The following SVIL variants were observed in gnomAD, a reference collection of about 807,000 sequenced individuals.
SVIL encodes archvillin.
A neutral mutation model predicts 240.4 loss-of-function variants in SVIL; 101 were observed. That is an observed-to-expected ratio of 0.42 (90% CI 0.36 to 0.50). The LOEUF (loss-of-function observed/expected upper bound fraction) is 0.50, where lower values mean the gene tolerates loss of function less well. Among genes scored for constraint, SVIL ranks in the 20% least tolerant of loss-of-function variants. The pLI is 0.01. For synonymous variants in SVIL, 999 were observed against 1,100.0 expected, an observed-to-expected ratio of 0.91 and a Z score of 1.82; for missense variants, 2,512 against 2,818.7, an observed-to-expected ratio of 0.89 and a Z score of 2.46.
chr10:29,550,452 A>G, intron 6 of SVIL, 145 bp downstream of exon 6: 1 of 1,100,390 alleles, frequency 9.1e-7, no homozygotes, highest in Non-Finnish European at 1.3e-6. Context: ...CAGAAAAAAA[A>G]AAAAAAGAAT....
intron 22 of SVIL, 62 bp downstream of exon 22, chr10:29,490,785 A>G (rs1947883552): frequency 1.3e-6 from 2 of 1,594,758 alleles, no homozygotes. Flanking sequence ...CCAAGCAATG[A>G]GTAGAGCATC....
At chr10:29,626,661 T>C (rs566387016) in intron 1 of SVIL, among the ~76,000 whole-genome samples, 26 of 152,100 alleles carry the variant, frequency 1.7e-4, no homozygotes, top group African/African-American at 6.3e-4. Context: ...GAAAAGAAAA[T>C]AGACATACTT....
intron 3 of SVIL, among the ~76,000 whole-genome samples, chr10:29,559,515 G>A (rs1954258634): frequency 6.6e-6 from 1 of 152,164 alleles, no homozygotes; most frequent in African/African-American, 2.4e-5. Flanking sequence ...ATTATATGCT[G>A]TGTCATAATT....
intron 1 of SVIL, among the ~76,000 whole-genome samples, chr10:29,625,915 T>C (rs1957847550): frequency 6.6e-6 from 1 of 152,198 alleles, no homozygotes; most frequent in Admixed American, 6.5e-5. Context: ...TTTTGGGGTC[T>C]TTTTTCAGCT....
chr10:29,669,491 G>C (rs1004365566), intron 2 of SVIL, among the ~76,000 whole-genome samples: 8 of 152,214 alleles, frequency 5.3e-5, no homozygotes, highest in African/African-American at 1.9e-4. Context: ...AAAAACAAGA[G>C]AGTGACATGA....
At chr10:29,608,667 G>A (rs1957117840) in intron 1 of SVIL, among the ~76,000 whole-genome samples, 1 of 152,250 alleles carries the variant, frequency 6.6e-6, no homozygotes, top group African/African-American at 2.4e-5. Flanking sequence ...GCCCTTTCTG[G>A]ACTTCGGGCA....
At chr10:29,486,605 A>G in intron 24 of SVIL, 48 bp from the exon 25 acceptor site, 1 of 1,610,868 alleles carries the variant, frequency 6.2e-7, no homozygotes, top group East Asian at 2.2e-5. Context: ...GCCCTTGGCT[A>G]GACAGAGTGG....
intron 7 of SVIL, among the ~76,000 whole-genome samples, chr10:29,535,135 C>A (rs1286529869): frequency 6.6e-6 from 1 of 151,928 alleles, no homozygotes; most frequent in African/African-American, 2.4e-5. Flanking sequence ...TTTTAACGTA[C>A]GAGGCAGTGT....
In SVIL at chr10:29,487,166, C is replaced by A; in HGVS notation, c.4482G>T (p.Ala1494=). 1 of 1,613,950 alleles carries A rather than the reference C, an allele frequency of 6.2e-7. No individual in the cohort carries two copies. The highest frequency in any genetic ancestry group is 8.5e-7 in the Non-Finnish European group (1 of 1,179,868). The change falls in exon 24 of 38, where the codon GCG becomes GCT. Residue 1494 remains alanine, a synonymous_variant. Transcript: ENST00000355867. The part of the protein sequence containing the change: ...VGEFANVIEK[A]KASELATLIQ... Reference sequence around the variant, plus strand: ...TTTTTATTTTTCAGGTACCAACCTTCGCCTTTTCTATGACGTTTGCAAACT... The same window carrying A: ...TTTTTATTTTTCAGGTACCAACCTTAGCCTTTTCTATGACGTTTGCAAACT...
intron 6 of SVIL, among the ~76,000 whole-genome samples, chr10:29,539,298 G>A (rs1206566288): frequency 6.6e-6 from 1 of 152,168 alleles, no homozygotes; most frequent in African/African-American, 2.4e-5. Flanking sequence ...AGCAATGAAA[G>A]TTTATGAATT....
intron 17 of SVIL, chr10:29,508,440 C>G: frequency 7.8e-7 from 1 of 1,278,436 alleles, no homozygotes; most frequent in Non-Finnish European, 1.0e-6. Context: ...AAGAGAAGAG[C>G]CTGGTCAGGG....
chr10:29,701,586 G>A (rs1962518054), intron 1 of SVIL, among the ~76,000 whole-genome samples: 1 of 151,776 alleles, frequency 6.6e-6, no homozygotes, highest in Non-Finnish European at 1.5e-5. Context: ...ACTGAAAATA[G>A]GGAAATAAAA....
At chr10:29,557,335 G>C (rs898784142) in intron 3 of SVIL, among the ~76,000 whole-genome samples, 1 of 152,094 alleles carries the variant, frequency 6.6e-6, no homozygotes, top group Non-Finnish European at 1.5e-5. Context: ...TAGGCTCAAG[G>C]GATCTGCTTG....
chr10:29,528,917 C>A (rs2132551757), intron 12 of SVIL, among the ~76,000 whole-genome samples: 1 of 152,050 alleles, frequency 6.6e-6, no homozygotes, highest in South Asian at 2.1e-4. Flanking sequence ...AAATTTCTGG[C>A]AATTAATCCC....
At chr10:29,728,448 C>T (rs780131724) in intron 1 of SVIL, among the ~76,000 whole-genome samples, 5 of 152,012 alleles carry the variant, frequency 3.3e-5, no homozygotes, top group Non-Finnish European at 5.9e-5. Context: ...ATTTCCTGTA[C>T]ATAAAAACTT....
At chr10:29,719,044 G>T (rs924045744) in intron 1 of SVIL, among the ~76,000 whole-genome samples, 5 of 152,322 alleles carry the variant, frequency 3.3e-5, no homozygotes, top group African/African-American at 1.2e-4. Flanking sequence ...GGAGGTGGAG[G>T]TTGCGGTGAG....
chr10:29,471,126 A>C lies in SVIL; in HGVS notation c.5635+12T>G, dbSNP rs1187044355. On this transcript the variant is annotated intron_variant, in intron 31 of 37. Transcript: ENST00000355867. The stretch of plus-strand genomic sequence containing the variant: ...AAGGCAAAGTCGAATTCCAGCAGTA[A>C]AAGTGACTTACTTTGCACATTTTCT... 1 of 1,610,752 alleles carries C rather than the reference A, an allele frequency of 6.2e-7. No individual in the cohort carries two copies.
At chr10:29,481,782 G>A (rs1946884555) in intron 27 of SVIL, 54 bp from the exon 28 acceptor site, 1 of 1,584,636 alleles carries the variant, frequency 6.3e-7, no homozygotes. Context: ...CCAAGATGAA[G>A]CCAAGCTTAA....
intron 1 of SVIL, among the ~76,000 whole-genome samples, chr10:29,700,916 G>A (rs1389080751): frequency 1.3e-5 from 2 of 152,106 alleles, no homozygotes; most frequent in Non-Finnish European, 2.9e-5. Flanking sequence ...TCGCTTCAAG[G>A]CTCACCTGAC....
Sources: allele counts gnomAD v4.1 joint callset (sites outside exome capture counted in the v4.1 genomes callset), GRCh38; gene constraint gnomAD v4.1.1; transcripts MANE v1.5; gene names NCBI Gene and HGNC (gene_info 2026-07-23, HGNC 2026-07-21).